The following PDGFD variants were observed in gnomAD, a reference collection of about 807,000 sequenced individuals.
The protein encoded by PDGFD is platelet derived growth factor D.
A neutral mutation model predicts 44.7 loss-of-function variants in PDGFD; 30 were observed. The observed-to-expected ratio is 0.67, with a 90% CI of 0.50 to 0.91. PDGFD has a LOEUF of 0.91. Among genes scored for constraint, PDGFD ranks in the 40% least tolerant of loss-of-function variants. The pLI is 0.00. For synonymous variants in PDGFD, 173 were observed against 168.4 expected (o/e 1.03, Z -0.21); for missense variants, 445 against 457.8 (o/e 0.97, Z 0.25).
intron 1 of PDGFD, among the ~76,000 whole-genome samples, chr11:104,161,950 A>AGT (rs3050634): frequency 0.1 from 14,827 of 148,860 alleles, 784 homozygotes; most frequent in East Asian, 0.24. Context: ...AATCAAAGAG[A>AGT]GTGTGTGTGT....
intron 1 of PDGFD, among the ~76,000 whole-genome samples, chr11:104,073,945 C>T (rs950171944): frequency 4.6e-5 from 7 of 152,124 alleles, no homozygotes; most frequent in East Asian, 1.9e-4. Context: ...AGATTGCATG[C>T]GTGACTGTAA....
rs150694959 is a variant in PDGFD, at chr11:103,981,118, G to A, written c.510+14947C>T. On this transcript the variant is annotated intron_variant, in intron 3 of 6. Coordinates refer to ENST00000393158, the MANE Select transcript of PDGFD (RefSeq NM_025208.5). ...CCTATAAGTGATTAATTCATTTACT[G>A]GTTAATGGATTAATGGGTTAATGGA... Among the ~76,000 whole-genome samples the A allele has an allele frequency of 2.6e-3, 391 of 150,156 alleles. 12 individuals are homozygous for A. The highest frequency in any genetic ancestry group is 9.5e-3 in the African/African-American group (379 of 39,686).
intron 3 of PDGFD, among the ~76,000 whole-genome samples, chr11:103,970,409 A>G (rs1859086473): frequency 6.6e-6 from 1 of 152,116 alleles, no homozygotes; most frequent in African/African-American, 2.4e-5. Context: ...GTGATAAAAA[A>G]CTATGAGGCA....
chr11:104,115,985 G>A (rs1012058672), intron 1 of PDGFD, among the ~76,000 whole-genome samples: 1 of 151,874 alleles, frequency 6.6e-6, no homozygotes, highest in African/African-American at 2.4e-5. Flanking sequence ...TCACTCTGTG[G>A]GTTGTCTGCT....
intron 1 of PDGFD, among the ~76,000 whole-genome samples, chr11:104,025,365 T>G (rs904821363): frequency 1.3e-5 from 2 of 152,182 alleles, no homozygotes; most frequent in East Asian, 3.8e-4. Flanking sequence ...TTCCGTCAAA[T>G]CTACATGAAT....
rs539611128 is a variant in PDGFD at position 104,039,556 on chromosome 11, T to C, written c.125-39301A>G. On this transcript the variant is annotated intron_variant, in intron 1 of 6. Coordinates refer to ENST00000393158, the MANE Select transcript of PDGFD (RefSeq NM_025208.5). ...TTTTTCTTCTCTATAGGTGTTCCCA[T>C]GCTCACATTTCCCAGTCTGGTCTAC... Among the ~76,000 whole-genome samples the C allele has an allele frequency of 1.8e-3, 275 of 152,248 alleles. 2 individuals carry two copies. Among genetic ancestry groups the C allele is most frequent in the Non-Finnish European group, 2.3e-3 (158 of 67,982 alleles).
chr11:103,933,568 C>A (rs1858439760), intron 5 of PDGFD, among the ~76,000 whole-genome samples: 1 of 152,184 alleles, frequency 6.6e-6, no homozygotes, highest in African/African-American at 2.4e-5. Context: ...ACCTAAATCA[C>A]AGCAAAAGAT....
rs548665749 is a variant in PDGFD, at chr11:104,063,314, G to A, written c.125-63059C>T. Among the ~76,000 whole-genome samples, 9 of 151,906 alleles carry A rather than the reference G, an allele frequency of 5.9e-5. No homozygotes were observed. The East Asian group carries it at 1.8e-3, about 30-fold the overall frequency. ...CTATGATGCTGTTTTAGACGTGTGT[G>A]TGTGTGAGAGAGAGAGGAGAGAGAG... is the stretch of plus-strand genomic sequence containing the variant. On this transcript the variant is annotated intron_variant, in intron 1 of 6. Transcript: ENST00000393158.
intron 1 of PDGFD, among the ~76,000 whole-genome samples, chr11:104,012,750 G>A (rs1297383293): frequency 6.6e-6 from 1 of 152,184 alleles, no homozygotes; most frequent in Non-Finnish European, 1.5e-5. Flanking sequence ...GGTTGGTGGG[G>A]CTCCACTTCA....
At chr11:104,031,094 G>A (rs1860117249) in intron 1 of PDGFD, among the ~76,000 whole-genome samples, 1 of 152,158 alleles carries the variant, frequency 6.6e-6, no homozygotes, top group Non-Finnish European at 1.5e-5. Context: ...AATATTTTAT[G>A]ATGAAATCTC....
intron 1 of PDGFD, among the ~76,000 whole-genome samples, chr11:104,030,918 G>A (rs1294357572): frequency 6.6e-6 from 1 of 151,956 alleles, no homozygotes; most frequent in Non-Finnish European, 1.5e-5. Context: ...CCTCCTCTAA[G>A]CAACCACAAC....
intron 3 of PDGFD, among the ~76,000 whole-genome samples, chr11:103,964,092 G>A (rs1463160053): frequency 6.6e-6 from 1 of 152,052 alleles, no homozygotes; most frequent in Non-Finnish European, 1.5e-5. Context: ...TCCCATGATG[G>A]CAGGCTTGGT....
At chr11:103,996,017 T>G (rs1386911716) in intron 3 of PDGFD, 48 bp downstream of exon 3, 2 of 1,522,048 alleles carry the variant, frequency 1.3e-6, no homozygotes, top group Non-Finnish European at 1.8e-6. Context: ...TCTCTACACT[T>G]CATGAAACCA....
intron 1 of PDGFD, among the ~76,000 whole-genome samples, chr11:104,118,434 G>A (rs956832400): frequency 2.0e-5 from 3 of 151,736 alleles, no homozygotes; most frequent in Non-Finnish European, 2.9e-5. Context: ...ATACAGCTGT[G>A]AGAAATAACT....
At chr11:104,125,391 TAA>T (rs1386442626) in intron 1 of PDGFD, among the ~76,000 whole-genome samples, 1 of 152,040 alleles carries the variant, frequency 6.6e-6, no homozygotes, top group Non-Finnish European at 1.5e-5. Flanking sequence ...TTCAAATAAT[TAA>T]AAAAAGGACT....
chr11:104,136,675 G>A (rs77280465), intron 1 of PDGFD, among the ~76,000 whole-genome samples: 5,292 of 152,246 alleles, frequency 0.035, 174 homozygotes, highest in African/African-American at 0.085. Flanking sequence ...TAGCTTGGAT[G>A]TAACTTTTCA....
intron 3 of PDGFD, among the ~76,000 whole-genome samples, chr11:103,973,933 A>C (rs1426294073): frequency 6.6e-6 from 1 of 151,978 alleles, no homozygotes; most frequent in African/African-American, 2.4e-5. Flanking sequence ...AGAGTTACTG[A>C]AGGGTTTTAA....
chr11:104,101,896 C>G (rs561201604), intron 1 of PDGFD, among the ~76,000 whole-genome samples: 2 of 152,132 alleles, frequency 1.3e-5, no homozygotes, highest in East Asian at 3.9e-4. Context: ...GAAACTGGAT[C>G]CCTTCCTTAC....
At chr11:103,981,325 C>T (rs1307740767) in intron 3 of PDGFD, among the ~76,000 whole-genome samples, 2 of 151,562 alleles carry the variant, frequency 1.3e-5, no homozygotes, top group East Asian at 3.9e-4. Flanking sequence ...GCCCCTAGAC[C>T]TTGGAGTTTC....
Sources: allele counts gnomAD v4.1 joint callset (sites outside exome capture counted in the v4.1 genomes callset), GRCh38; gene constraint gnomAD v4.1.1; transcripts MANE v1.5; gene names NCBI Gene and HGNC (gene_info 2026-07-23, HGNC 2026-07-21).